The following GALNT17 variants were observed in gnomAD, a reference collection of about 807,000 sequenced individuals.
The protein encoded by GALNT17 is polypeptide N-acetylgalactosaminyltransferase 17.
GALNT17 carries 29 observed loss-of-function variants against 63.7 expected under a neutral mutation model. The ratio of observed to expected loss-of-function variants is 0.46; its 90% CI spans 0.34 to 0.62. GALNT17 has a LOEUF of 0.62. Ranked by LOEUF, GALNT17 falls within the 20% of genes least tolerant of loss-of-function variation. The probability of loss-of-function intolerance (pLI) is 0.01; values close to 1 mark genes in which losing one functional copy is unlikely to be tolerated. For missense variants in GALNT17, 603 were observed against 799.6 expected, an observed-to-expected ratio of 0.75 and a Z score of 2.97; for synonymous variants, 305 against 318.3, an observed-to-expected ratio of 0.96 and a Z score of 0.45.
chr7:71,564,278 C>CTTTTTTTTTTTTTTTTTTTT (rs10539122), intron 5 of GALNT17, among the ~76,000 whole-genome samples: 42 of 98,012 alleles, frequency 4.3e-4, no homozygotes, highest in South Asian at 1.6e-3. Context: ...CTTTTCTTTT[C>CTTTTTTTTTTTTTTTTTTTT]TTTTTTTTTT....
intron 1 of GALNT17, among the ~76,000 whole-genome samples, chr7:71,274,137 A>G (rs1184907433): frequency 6.6e-6 from 1 of 152,290 alleles, no homozygotes; most frequent in East Asian, 1.9e-4. Flanking sequence ...TCCCTGGTGT[A>G]CATATTTCTA....
chr7:71,421,132 C>T (rs972981881), intron 5 of GALNT17, 27 bp downstream of exon 5: 1 of 1,612,064 alleles, frequency 6.2e-7, no homozygotes, highest in Non-Finnish European at 8.5e-7. Flanking sequence ...CCCTGGCGGC[C>T]AACGAGCCCC....
intron 1 of GALNT17, among the ~76,000 whole-genome samples, chr7:71,289,984 G>T (rs1043144616): frequency 6.6e-6 from 1 of 152,110 alleles, no homozygotes; most frequent in African/African-American, 2.4e-5. Context: ...GGCGGAGGTT[G>T]CAGTGAGCTG....
chr7:71,676,600 G>C (rs1340448433), intron 8 of GALNT17, among the ~76,000 whole-genome samples: 2 of 151,896 alleles, frequency 1.3e-5, no homozygotes, highest in African/African-American at 4.8e-5. Flanking sequence ...TGCCCATATT[G>C]GTCTTGAACT....
chr7:71,225,589 T>A (rs565301526), intron 1 of GALNT17, among the ~76,000 whole-genome samples: 10 of 152,238 alleles, frequency 6.6e-5, no homozygotes, highest in Non-Finnish European at 1.5e-4. Context: ...CCGTACTGTA[T>A]CTAAGAAACT....
At chr7:71,241,133 G>T (rs997278871) in intron 1 of GALNT17, among the ~76,000 whole-genome samples, 1 of 152,118 alleles carries the variant, frequency 6.6e-6, no homozygotes, top group African/African-American at 2.4e-5. Flanking sequence ...GGCTTGTTTT[G>T]CCATCATACT....
At chr7:71,234,615 G>A (rs1361703389) in intron 1 of GALNT17, among the ~76,000 whole-genome samples, 1 of 152,136 alleles carries the variant, frequency 6.6e-6, no homozygotes, top group African/African-American at 2.4e-5. Context: ...GGGGTAGGGT[G>A]AATGGAGGGA....
chr7:71,497,527 A>G (rs748351883), intron 5 of GALNT17, among the ~76,000 whole-genome samples: 14 of 152,144 alleles, frequency 9.2e-5, no homozygotes, highest in Non-Finnish European at 2.1e-4. Flanking sequence ...CCCTCATTTT[A>G]ACTTAATTAT....
intron 1 of GALNT17, among the ~76,000 whole-genome samples, chr7:71,268,583 A>G (rs1790532616): frequency 1.3e-5 from 2 of 150,644 alleles, no homozygotes; most frequent in African/African-American, 4.9e-5. Context: ...AAATAAATAA[A>G]TAAATAAATA....
intron 1 of GALNT17, among the ~76,000 whole-genome samples, chr7:71,181,695 C>T (rs1788738144): frequency 6.6e-6 from 1 of 151,612 alleles, no homozygotes; most frequent in African/African-American, 2.4e-5. Flanking sequence ...TTAGCAAGAT[C>T]CCATCCCTAT....
chr7:71,298,299 C>T (rs144916970), intron 1 of GALNT17, among the ~76,000 whole-genome samples: 2,929 of 152,168 alleles, frequency 0.019, 39 homozygotes, highest in Non-Finnish European at 0.033. Context: ...GGATTACAGG[C>T]GTGAGCCACC....
At chr7:71,435,900 G>T (rs1471169275) in intron 5 of GALNT17, among the ~76,000 whole-genome samples, 1 of 151,878 alleles carries the variant, frequency 6.6e-6, no homozygotes, top group Non-Finnish European at 1.5e-5. Context: ...GACGCCTGTA[G>T]TCCCACCTAC....
rs113049569 is a variant in GALNT17, at chr7:71,459,819, G to A, written c.962+38714G>A. Among the ~76,000 whole-genome samples the A allele has an allele frequency of 5.3e-3, 814 of 152,218 alleles. 8 individuals carry two copies. Among genetic ancestry groups the A allele is most frequent in the African/African-American group, 0.018 (762 of 41,532 alleles). Reference sequence around the variant, plus strand: ...TTTTAAAGGTCTGAATAAAACATTCGTCATCTACTGTCTCTAAGGGCAGCT... The same window carrying A: ...TTTTAAAGGTCTGAATAAAACATTCATCATCTACTGTCTCTAAGGGCAGCT... On this transcript the variant is annotated intron_variant, in intron 5 of 10. Coordinates refer to ENST00000333538, the MANE Select transcript of GALNT17 (RefSeq NM_022479.3).
intron 1 of GALNT17, among the ~76,000 whole-genome samples, chr7:71,214,384 G>C (rs1015560192): frequency 6.6e-6 from 1 of 152,124 alleles, no homozygotes; most frequent in Non-Finnish European, 1.5e-5. Flanking sequence ...TGTTTGTTAC[G>C]TTTCTTTAAA....
chr7:71,404,905 T>G (rs1180635447), intron 3 of GALNT17, among the ~76,000 whole-genome samples: 1 of 152,204 alleles, frequency 6.6e-6, no homozygotes, highest in Non-Finnish European at 1.5e-5. Context: ...AGCCTGCTGC[T>G]CCCATCCTGC....
At chr7:71,613,543 C>T (rs1790156130) in intron 6 of GALNT17, among the ~76,000 whole-genome samples, 1 of 152,134 alleles carries the variant, frequency 6.6e-6, no homozygotes, top group Non-Finnish European at 1.5e-5. Context: ...TTTGGGAGGA[C>T]CAATGAGCAT....
chr7:71,184,347 A>G (rs1196162105), intron 1 of GALNT17, among the ~76,000 whole-genome samples: 1 of 151,862 alleles, frequency 6.6e-6, no homozygotes, highest in South Asian at 2.1e-4. Flanking sequence ...AAATACTCCA[A>G]CCACTCGATG....
intron 9 of GALNT17, among the ~76,000 whole-genome samples, chr7:71,679,799 G>A (rs906529977): frequency 6.6e-6 from 1 of 151,950 alleles, no homozygotes; most frequent in African/African-American, 2.4e-5. Flanking sequence ...ACCAGCTCCT[G>A]GGCCCCATCC....
At chr7:71,151,182 G>A (rs932945562) in intron 1 of GALNT17, among the ~76,000 whole-genome samples, 17 of 152,266 alleles carry the variant, frequency 1.1e-4, no homozygotes, top group African/African-American at 4.1e-4. Flanking sequence ...AGGCCAGGCT[G>A]TCTACTCTCC....
Sources: allele counts gnomAD v4.1 joint callset (sites outside exome capture counted in the v4.1 genomes callset), GRCh38; gene constraint gnomAD v4.1.1; transcripts MANE v1.5; gene names NCBI Gene and HGNC (gene_info 2026-07-23, HGNC 2026-07-21).